Variants in RAB2B observed in about 807,000 individuals in gnomAD.
RAB2B encodes ras-related protein Rab-2B.
A neutral mutation model predicts 29.8 loss-of-function variants in RAB2B; 20 were observed. The observed-to-expected ratio is 0.67, with a 90% CI of 0.47 to 0.97. The LOEUF is 0.97. Among genes scored for constraint, RAB2B ranks in the 50% least tolerant of loss-of-function variants. RAB2B has a pLI of 0.00. For synonymous variants in RAB2B, 93 were observed against 91.7 expected (o/e 1.01, Z -0.08); for missense variants, 218 against 272.0 (o/e 0.80, Z 1.40).
intron 3 of RAB2B, among the ~76,000 whole-genome samples, chr14:21,471,446 G>A (rs188626035): frequency 7.3e-5 from 11 of 151,660 alleles, no homozygotes; most frequent in Middle Eastern, 3.4e-3. Context: ...GTGAAACCAC[G>A]CCTCTAAAAA....
At chr14:21,472,915 G>C (rs955789244) in intron 3 of RAB2B, among the ~76,000 whole-genome samples, 7 of 152,094 alleles carry the variant, frequency 4.6e-5, no homozygotes, top group Non-Finnish European at 1.0e-4. Flanking sequence ...ATCTGGGCCA[G>C]GTGCCAAGGC....
chr14:21,462,241 T>C (rs1258283700), intron 7 of RAB2B, 109 bp downstream of exon 7: 2 of 861,000 alleles, frequency 2.3e-6, no homozygotes, highest in Admixed American at 6.0e-5. Context: ...GGCAGAGCTT[T>C]TAAATTGTAT....
chr14:21,473,103 T>C (rs1031459365), intron 3 of RAB2B, among the ~76,000 whole-genome samples: 2 of 152,128 alleles, frequency 1.3e-5, no homozygotes, highest in African/African-American at 4.8e-5. Context: ...GATGGATGGA[T>C]AGACAGATGA....
chr14:21,475,695 G>GT (rs1234796423), intron 2 of RAB2B, among the ~76,000 whole-genome samples: 1 of 152,166 alleles, frequency 6.6e-6, no homozygotes, highest in African/African-American at 2.4e-5. Context: ...CTATCGCAAA[G>GT]TGAGAATTCG....
intron 3 of RAB2B, among the ~76,000 whole-genome samples, chr14:21,473,698 CA>C (rs1890874117): frequency 6.6e-6 from 1 of 150,852 alleles, no homozygotes; most frequent in South Asian, 2.2e-4. Flanking sequence ...GCCAACATGG[CA>C]AAACCCCATC....
intron 7 of RAB2B, among the ~76,000 whole-genome samples, chr14:21,461,938 C>T (rs899979738): frequency 2.6e-5 from 4 of 152,092 alleles, no homozygotes; most frequent in Admixed American, 1.3e-4. Flanking sequence ...CAGGGTGTGA[C>T]GAGGTAGAAG....
chr14:21,472,546 T>C (rs1594415542), intron 3 of RAB2B, among the ~76,000 whole-genome samples: 1 of 152,130 alleles, frequency 6.6e-6, no homozygotes, highest in South Asian at 2.1e-4. Flanking sequence ...ATTATACGTA[T>C]GAATCTTTTA....
intron 5 of RAB2B, among the ~76,000 whole-genome samples, chr14:21,464,403 CG>C (rs1221667046): frequency 1.6e-5 from 2 of 126,620 alleles, no homozygotes; most frequent in African/African-American, 2.5e-5. Flanking sequence ...GTCTCTTGGG[CG>C]GGGAAGAAAA....
chr14:21,466,358 A>G (rs914793998), intron 5 of RAB2B, among the ~76,000 whole-genome samples: 4 of 152,208 alleles, frequency 2.6e-5, no homozygotes, highest in African/African-American at 4.8e-5. Flanking sequence ...TTGGTGGCAC[A>G]TGCCTGTAAT....
chr14:21,472,812 A>G (rs536706755), intron 3 of RAB2B, among the ~76,000 whole-genome samples: 1 of 151,212 alleles, frequency 6.6e-6, no homozygotes, highest in Admixed American at 6.6e-5. Flanking sequence ...CATGTCCCAT[A>G]TGAGTGCTTA....
At chr14:21,474,311 G>C (rs1890894005) in intron 3 of RAB2B, among the ~76,000 whole-genome samples, 1 of 152,134 alleles carries the variant, frequency 6.6e-6, no homozygotes, top group African/African-American at 2.4e-5. Context: ...ACTACGCAGT[G>C]GTTAAAAGGA....
In RAB2B at chr14:21,460,677, G is replaced by A. The variant is rs1213273289; in HGVS notation, c.*519C>T. On this transcript the variant is annotated 3_prime_UTR_variant, in exon 8 of 8. Transcript: ENST00000397762. ...TGCCCAGGCTGCAGTGCAATGGCGTGATCTTGGCTTAGCGTAACCTTCACC... is the reference window on the plus strand; with the variant it reads ...TGCCCAGGCTGCAGTGCAATGGCGTAATCTTGGCTTAGCGTAACCTTCACC... 3 of 153,678 alleles carry A rather than the reference G, an allele frequency of 2.0e-5. No individual in the cohort carries two copies. Among genetic ancestry groups the A allele is most frequent in the Non-Finnish European group, 4.3e-5 (3 of 69,220 alleles). 9.5% of individuals were successfully genotyped at this position (153,678 alleles called of 1,614,324 possible). A position where few individuals can be genotyped will look rare whatever the true frequency, so the allele number is the denominator to read the frequency against.
chr14:21,475,430 CT>C (rs11408746), intron 2 of RAB2B, among the ~76,000 whole-genome samples: 110 of 129,502 alleles, frequency 8.5e-4, no homozygotes, highest in Admixed American at 5.6e-3. Flanking sequence ...AGAAACAATA[CT>C]TTTTTTTTTT....
chr14:21,463,740 C>T lies in RAB2B; in HGVS notation c.390G>A (p.Lys130=). The change falls in exon 6 of 8, where the codon AAG becomes AAA. Residue 130 remains lysine (K), a synonymous_variant. Transcript: ENST00000397762. ...KSDLESRRDV[K]REEGEAFARE... ...TAGCAAAGGCCTCTCCTTCTTCTCT[C>T]TTCACATCCCTGCGGGACTCTAGGT... 1.2e-6 allele frequency: 2 copies of T among 1,613,520 alleles called. No homozygotes were observed. The highest frequency in any genetic ancestry group is 1.7e-6 in the Non-Finnish European group (2 of 1,179,512).
At chr14:21,466,490 A>G (rs1171118327) in intron 5 of RAB2B, among the ~76,000 whole-genome samples, 1 of 152,134 alleles carries the variant, frequency 6.6e-6, no homozygotes, top group Non-Finnish European at 1.5e-5. Flanking sequence ...TCCATCTCAT[A>G]ACAAACAAAT....
At chr14:21,476,778 AGCTTCGAAT>A (rs1459218582) in intron 1 of RAB2B, 40 bp downstream of exon 1, 1 of 1,400,532 alleles carries the variant, frequency 7.1e-7, no homozygotes, top group African/African-American at 1.8e-5. Context: ...CCAATTTGGG[AGCTTCGAAT>A]GCCCGCCCGA....
intron 3 of RAB2B, among the ~76,000 whole-genome samples, chr14:21,469,568 T>C (rs1054017522): frequency 6.6e-6 from 1 of 152,236 alleles, no homozygotes; most frequent in Non-Finnish European, 1.5e-5. Flanking sequence ...TTTGCTTTCT[T>C]GATGGACTAG....
In RAB2B at chr14:21,463,543, G is replaced by A. The variant is rs867442513; in HGVS notation, c.474+113C>T. ...ATTACAGGCATGAGCCACCGCGCTC[G>A]GCCAAGACATCCTTTCTTTACCAAT... On this transcript the variant is annotated intron_variant, in intron 6 of 7. Coordinates refer to ENST00000397762, the MANE Select transcript of RAB2B (RefSeq NM_032846.4). 125 of 808,548 alleles carry A rather than the reference G, an allele frequency of 1.5e-4. 2 individuals carry two copies. The highest frequency in any genetic ancestry group is 1.4e-3 in the South Asian group (89 of 61,542). 50.1% of individuals were successfully genotyped at this position (808,548 alleles called of 1,614,324 possible). A position where few individuals can be genotyped will look rare whatever the true frequency, so the allele number is the denominator to read the frequency against.
intron 1 of RAB2B, 103 bp from the exon 2 acceptor site, chr14:21,476,702 G>GCCGC: frequency 2.5e-6 from 4 of 1,575,788 alleles, no homozygotes; most frequent in Non-Finnish European, 3.5e-6. Flanking sequence ...CCCGCCCCCG[G>GCCGC]CCGCCCCGAA....
Sources: gnomAD v4.1 joint callset for allele counts (sites outside exome capture counted in the v4.1 genomes callset) on GRCh38, gnomAD v4.1.1 for gene constraint, MANE v1.5 for transcripts, NCBI Gene and HGNC (gene_info 2026-07-23, HGNC 2026-07-21) for gene names.